STIM2: variants seen among roughly 807,000 people sequenced by gnomAD.
The protein encoded by STIM2 is stromal interaction molecule 2.
A neutral mutation model predicts 85.8 loss-of-function variants in STIM2; 31 were observed. The observed-to-expected ratio is 0.36, with a 90% CI of 0.27 to 0.49. The LOEUF (loss-of-function observed/expected upper bound fraction) is 0.49. Ranked by LOEUF, STIM2 falls within the 20% of genes least tolerant of loss-of-function variation. The pLI is 0.98. For synonymous variants in STIM2, 356 were observed against 331.1 expected, an observed-to-expected ratio of 1.08 and a Z score of -0.82; for missense variants, 841 against 927.6, an observed-to-expected ratio of 0.91 and a Z score of 1.21.
At chr4:26,971,187 G>T (rs1577471029) in intron 3 of STIM2, among the ~76,000 whole-genome samples, 1 of 152,048 alleles carries the variant, frequency 6.6e-6, no homozygotes, top group Admixed American at 6.5e-5. Flanking sequence ...CTCTCATTTT[G>T]TAGGTTACCT....
At chr4:26,910,644 A>G (rs949474832) in intron 1 of STIM2, among the ~76,000 whole-genome samples, 3 of 152,270 alleles carry the variant, frequency 2.0e-5, no homozygotes, top group African/African-American at 7.2e-5. Context: ...ATTTAGATAC[A>G]CTGAAGGAGC....
At chr4:26,866,800 T>G (rs1056113746) in intron 1 of STIM2, among the ~76,000 whole-genome samples, 1 of 152,052 alleles carries the variant, frequency 6.6e-6, no homozygotes, top group Non-Finnish European at 1.5e-5. Flanking sequence ...TTAGATTATT[T>G]GAGAGATATA....
chr4:26,997,831 G>C (rs7700093), intron 4 of STIM2, among the ~76,000 whole-genome samples: 8,260 of 152,280 alleles, frequency 0.054, 258 homozygotes, highest in South Asian at 0.077. Context: ...GATAAAGGAA[G>C]GCATTTCAGA....
At chr4:27,019,008 TA>T (rs1023504987) in intron 11 of STIM2, among the ~76,000 whole-genome samples, 57 of 152,342 alleles carry the variant, frequency 3.7e-4, no homozygotes, top group African/African-American at 1.3e-3. Context: ...CAGTCCAACT[TA>T]ATGACATCAG....
intron 1 of STIM2, among the ~76,000 whole-genome samples, chr4:26,903,745 G>A (rs1410912397): frequency 6.6e-6 from 1 of 152,064 alleles, no homozygotes; most frequent in Admixed American, 6.6e-5. Flanking sequence ...AAAGAAGGCA[G>A]CAGGTTATTT....
intron 7 of STIM2, among the ~76,000 whole-genome samples, chr4:27,005,029 T>G (rs12152700): frequency 0.35 from 52,680 of 152,072 alleles, 9,390 homozygotes; most frequent in East Asian, 0.62. Flanking sequence ...GTTTTGCGTG[T>G]CATATTCCAA....
intron 3 of STIM2, among the ~76,000 whole-genome samples, chr4:26,985,347 A>G (rs192636122): frequency 6.4e-4 from 97 of 152,302 alleles, no homozygotes; most frequent in Admixed American, 4.3e-3. Context: ...GTGATAAATT[A>G]TGTGTATCAG....
chr4:26,952,891 A>C (rs1201674846), intron 2 of STIM2, among the ~76,000 whole-genome samples: 1 of 152,144 alleles, frequency 6.6e-6, no homozygotes, highest in East Asian at 1.9e-4. Flanking sequence ...AGAATACATT[A>C]CTGACTCTCT....
chr4:27,002,122 G>T (rs1728175081), intron 5 of STIM2, 95 bp from the exon 6 acceptor site: 2 of 1,139,868 alleles, frequency 1.8e-6, no homozygotes, highest in Non-Finnish European at 2.4e-6. Context: ...TCCAATTTTT[G>T]GTTTTGTTTT....
intron 2 of STIM2, among the ~76,000 whole-genome samples, chr4:26,954,363 A>G (rs1726168548): frequency 8.0e-6 from 1 of 125,614 alleles, no homozygotes; most frequent in Admixed American, 7.1e-5. Flanking sequence ...TTGTCAATTT[A>G]GGATTCCCTA....
At chr4:26,897,377 G>A (rs997683064) in intron 1 of STIM2, among the ~76,000 whole-genome samples, 2 of 152,148 alleles carry the variant, frequency 1.3e-5, no homozygotes, top group African/African-American at 4.8e-5. Context: ...CTAATGGCCA[G>A]CAGTGTTAAA....
chr4:26,875,210 C>G lies in STIM2; in HGVS notation c.151+13841C>G, dbSNP rs193013302. Among the ~76,000 whole-genome samples the G allele has an allele frequency of 1.8e-3, 281 of 152,248 alleles. 2 individuals carry two copies. The highest frequency in any genetic ancestry group is 6.8e-3 in the Middle Eastern group (2 of 294). On this transcript the variant is annotated intron_variant, in intron 1 of 11. Coordinates refer to ENST00000467087, the MANE Select transcript of STIM2 (RefSeq NM_020860.4). ...TAAAATTAGAACTCAGATCTATTAA[C>G]TCCTTGTTTTGTGTTATTTTTGCCA...
rs1172140455 is a variant in STIM2 at position 26,860,964 on chromosome 4, G to A, written c.-255G>A. On this transcript the variant is annotated 5_prime_UTR_variant, in exon 1 of 12. Coordinates refer to ENST00000467087, the MANE Select transcript of STIM2 (RefSeq NM_020860.4). ...TTTTAAATAACCGGAACCAATGAAC[G>A]CAGCCGGGATCAGAGCTCCGGAGGC... The A allele has an allele frequency of 3.3e-5, 40 of 1,212,472 alleles. No homozygotes were observed. Among genetic ancestry groups the A allele is most frequent in the Non-Finnish European group, 4.2e-5 (40 of 962,840 alleles). 75.1% of individuals were successfully genotyped at this position (1,212,472 alleles called of 1,614,324 possible).
At chr4:27,015,663 A>T (rs1019031175) in intron 10 of STIM2, among the ~76,000 whole-genome samples, 1 of 152,004 alleles carries the variant, frequency 6.6e-6, no homozygotes, top group South Asian at 2.1e-4. Flanking sequence ...AGAAGTTTGT[A>T]GTCAGTCAAC....
intron 1 of STIM2, among the ~76,000 whole-genome samples, chr4:26,916,740 G>GTT (rs60403799): frequency 3.4e-5 from 5 of 146,484 alleles, no homozygotes; most frequent in African/African-American, 1.0e-4. Flanking sequence ...AATGTTTTAT[G>GTT]TTTTTTTTTT....
chr4:27,012,352 G>T (rs1381334186), intron 10 of STIM2, among the ~76,000 whole-genome samples: 1 of 151,906 alleles, frequency 6.6e-6, no homozygotes, highest in Non-Finnish European at 1.5e-5. Flanking sequence ...GAATTTATTT[G>T]TGGAGAATTA....
At position 27,002,356 on chromosome 4, in the gene STIM2, A is replaced by G; in HGVS notation, c.765A>G (p.Leu255=). ...AAATGATGAAAGATTTAGAGAGCTTACAAACTGCAGAGCAAAGTCTAATGG... is the reference window on the plus strand; with the variant it reads ...AAATGATGAAAGATTTAGAGAGCTTGCAAACTGCAGAGCAAAGTCTAATGG... Residue 255 remains leucine (L), a synonymous_variant, in exon 6 of 12, where the codon TTA becomes TTG. Coordinates refer to ENST00000467087, the MANE Select transcript of STIM2 (RefSeq NM_020860.4). 6.2e-7 allele frequency: 1 copy of G among 1,612,964 alleles called. No individual in the cohort carries two copies. The highest frequency in any genetic ancestry group is 8.5e-7 in the Non-Finnish European group (1 of 1,179,732).
intron 4 of STIM2, among the ~76,000 whole-genome samples, chr4:26,996,049 T>C (rs1203562708): frequency 6.6e-6 from 1 of 151,998 alleles, no homozygotes. Context: ...ATTTTACAGG[T>C]TAAAAAAACC....
chr4:26,913,279 A>G (rs1724408790), intron 1 of STIM2, among the ~76,000 whole-genome samples: 1 of 151,816 alleles, frequency 6.6e-6, no homozygotes, highest in African/African-American at 2.4e-5. Flanking sequence ...TAGTAATTAT[A>G]TATAGTAATA....
Sources: allele counts gnomAD v4.1 joint callset (sites outside exome capture counted in the v4.1 genomes callset), GRCh38; gene constraint gnomAD v4.1.1; transcripts MANE v1.5; gene names NCBI Gene and HGNC (gene_info 2026-07-23, HGNC 2026-07-21).